The following TBC1D14 variants were observed in gnomAD, a reference collection of about 807,000 sequenced individuals.
The protein encoded by TBC1D14 is TBC1 domain family, member 14.
TBC1D14 carries 26 observed loss-of-function variants against 79.0 expected under a neutral mutation model. That is an observed-to-expected ratio of 0.33 (90% CI 0.24 to 0.46). The LOEUF (loss-of-function observed/expected upper bound fraction) is 0.46, where lower values mean the gene tolerates loss of function less well. TBC1D14 is among the 20% of genes least tolerant of loss of function. TBC1D14 has a pLI of 1.00. For missense variants in TBC1D14, 769 were observed against 887.6 expected, an observed-to-expected ratio of 0.87 and a Z score of 1.70; for synonymous variants, 394 against 349.9, an observed-to-expected ratio of 1.13 and a Z score of -1.40.
At chr4:6,955,345 A>G (rs972450655) in intron 2 of TBC1D14, among the ~76,000 whole-genome samples, 24 of 152,170 alleles carry the variant, frequency 1.6e-4, no homozygotes, top group African/African-American at 5.3e-4. Flanking sequence ...CTTCAGGAGG[A>G]AGCGTCTTAG....
At chr4:6,954,359 C>T (rs56094305) in intron 2 of TBC1D14, 69,491 of 717,316 alleles carry the variant, frequency 0.097, 4,677 homozygotes, top group African/African-American at 0.27. Context: ...GCTTTCTTGC[C>T]TTTCTTGCTG....
At chr4:7,003,047 T>G (rs896193322) in intron 7 of TBC1D14, among the ~76,000 whole-genome samples, 1 of 152,198 alleles carries the variant, frequency 6.6e-6, no homozygotes, top group African/African-American at 2.4e-5. Flanking sequence ...CTCTTGTGGT[T>G]GTACAATTGA....
chr4:7,030,546 A>C lies in TBC1D14; in HGVS notation c.*154A>C. 1 of 719,470 alleles carries C rather than the reference A, an allele frequency of 1.4e-6. No individual in the cohort carries two copies. The highest frequency in any genetic ancestry group is 2.3e-6 in the Non-Finnish European group (1 of 439,506). The allele number at this position is 719,470 out of a possible 1,614,324, so 44.6% of individuals were successfully genotyped here. ...TTGGCCTTAAACAAAACAAACACAA[A>C]AACTTTTAAAGAATTAAACCAAGGC... On this transcript the variant is annotated 3_prime_UTR_variant, in exon 14 of 14. Coordinates refer to ENST00000409757, the MANE Select transcript of TBC1D14 (RefSeq NM_020773.3).
intron 2 of TBC1D14, among the ~76,000 whole-genome samples, chr4:6,941,111 A>T (rs1472269521): frequency 6.7e-6 from 1 of 149,764 alleles, no homozygotes; most frequent in Non-Finnish European, 1.5e-5. Flanking sequence ...TCTGAATCCC[A>T]CCTGGGTTTG....
chr4:6,919,420 ACTGGC>A (rs1256817327), intron 1 of TBC1D14, among the ~76,000 whole-genome samples: 1 of 152,102 alleles, frequency 6.6e-6, no homozygotes. Context: ...TGTTGGGATT[ACTGGC>A]GTGAGCCACC....
intron 3 of TBC1D14, among the ~76,000 whole-genome samples, chr4:6,968,669 C>A (rs1044555056): frequency 1.3e-5 from 2 of 152,218 alleles, no homozygotes; most frequent in African/African-American, 4.8e-5. Context: ...AGGAGGCTGA[C>A]CGCCGGGAGG....
At chr4:6,918,121 A>G (rs533084490) in intron 1 of TBC1D14, among the ~76,000 whole-genome samples, 1 of 152,332 alleles carries the variant, frequency 6.6e-6, no homozygotes, top group African/African-American at 2.4e-5. Context: ...GGAGAGGAGT[A>G]GAAAAAGGTT....
At chr4:6,932,598 A>C (rs1310146437) in intron 2 of TBC1D14, among the ~76,000 whole-genome samples, 1 of 152,164 alleles carries the variant, frequency 6.6e-6, no homozygotes, top group Non-Finnish European at 1.5e-5. Flanking sequence ...ACTTAGACTC[A>C]GTGGGGAGCC....
chr4:6,998,826 A>AC (rs1483886456), intron 5 of TBC1D14: 1 of 356,158 alleles, frequency 2.8e-6, no homozygotes. Context: ...GGCGTGAGCC[A>AC]CCGCGCCTGG....
At chr4:7,023,838 G>A (rs1220919603) in intron 12 of TBC1D14, among the ~76,000 whole-genome samples, 7 of 152,220 alleles carry the variant, frequency 4.6e-5, no homozygotes, top group South Asian at 2.1e-4. Context: ...AGCACACAGC[G>A]CCCGGTGTGC....
intron 3 of TBC1D14, among the ~76,000 whole-genome samples, chr4:6,991,446 A>G (rs1022103291): frequency 6.6e-6 from 1 of 152,120 alleles, no homozygotes; most frequent in Non-Finnish European, 1.5e-5. Context: ...GTGCACAGGG[A>G]GTGCTGGAGA....
intron 2 of TBC1D14, among the ~76,000 whole-genome samples, chr4:6,961,832 C>T (rs946084407): frequency 6.6e-6 from 1 of 151,888 alleles, no homozygotes; most frequent in Admixed American, 6.6e-5. Flanking sequence ...TGTATGCAGC[C>T]GAAAAAAGGC....
intron 2 of TBC1D14, among the ~76,000 whole-genome samples, chr4:6,950,518 C>T (rs901716010): frequency 2.0e-5 from 3 of 152,238 alleles, no homozygotes; most frequent in South Asian, 2.1e-4. Context: ...ATTATTTCCT[C>T]GTTAAGTGTG....
chr4:7,030,577 C>G lies in TBC1D14; in HGVS notation c.*185C>G. On this transcript the variant is annotated 3_prime_UTR_variant, in exon 14 of 14. Coordinates refer to ENST00000409757, the MANE Select transcript of TBC1D14 (RefSeq NM_020773.3). Reference sequence around the variant, plus strand: ...TTAAAGAATTAAACCAAGGCTTAGCCTTAAGCAGCTCAGTGGAAGGATGAG... The same window carrying G: ...TTAAAGAATTAAACCAAGGCTTAGCGTTAAGCAGCTCAGTGGAAGGATGAG... 1.8e-6 allele frequency: 1 copy of G among 561,230 alleles called. No individual in the cohort carries two copies. The highest frequency in any genetic ancestry group is 3.2e-6 in the Non-Finnish European group (1 of 316,970). 34.8% of individuals were successfully genotyped at this position (561,230 alleles called of 1,614,324 possible).
chr4:6,909,957 G>C lies in TBC1D14; in HGVS notation c.-18+6G>C, dbSNP rs1577440865. On this transcript the variant is annotated splice_donor_region_variant and intron_variant, in intron 1 of 13. Coordinates refer to ENST00000409757, the MANE Select transcript of TBC1D14 (RefSeq NM_020773.3). The stretch of plus-strand genomic sequence containing the variant: ...TCGGAGCCGCGCTAACTCCGGTACT[G>C]AGAGCCTCCCGCGAGGGCCGGGCCG... The C allele has an allele frequency of 6.8e-6, 1 of 147,692 alleles. No individual in the cohort carries two copies. Among genetic ancestry groups the C allele is most frequent in the Non-Finnish European group, 1.5e-5 (1 of 66,250 alleles). 9.1% of individuals were successfully genotyped at this position (147,692 alleles called of 1,614,324 possible).
intron 2 of TBC1D14, among the ~76,000 whole-genome samples, chr4:6,945,141 C>T (rs1483551787): frequency 1.3e-5 from 2 of 152,096 alleles, no homozygotes; most frequent in Non-Finnish European, 2.9e-5. Flanking sequence ...TTGTGTCAGG[C>T]TCTGAGCTTG....
intron 2 of TBC1D14, among the ~76,000 whole-genome samples, chr4:6,964,756 C>T (rs1171310051): frequency 2.8e-4 from 42 of 152,126 alleles, no homozygotes; most frequent in Admixed American, 2.8e-3. Context: ...ATTATAACCA[C>T]AACAGAAAAG....
At chr4:6,958,346 G>A (rs1374142566) in intron 2 of TBC1D14, among the ~76,000 whole-genome samples, 1 of 142,030 alleles carries the variant, frequency 7.0e-6, no homozygotes, top group African/African-American at 2.8e-5. Context: ...TGGGTGATAG[G>A]GTAAGGGTGA....
intron 3 of TBC1D14, chr4:6,987,360 G>A (rs962518529): frequency 4.2e-6 from 6 of 1,421,800 alleles, no homozygotes; most frequent in Non-Finnish European, 4.6e-6. Context: ...GTGAGTCGGG[G>A]TGCGGGCCGG....
Sources: gnomAD v4.1 joint callset for allele counts (sites outside exome capture counted in the v4.1 genomes callset) on GRCh38, gnomAD v4.1.1 for gene constraint, MANE v1.5 for transcripts, NCBI Gene and HGNC (gene_info 2026-07-23, HGNC 2026-07-21) for gene names.